NRCAM: variants seen among roughly 807,000 people sequenced by gnomAD.
The protein encoded by NRCAM is NgCAM-related cell adhesion molecule.
Under a neutral mutation model 156.5 loss-of-function variants are expected in NRCAM, and 83 were observed. That is an observed-to-expected ratio of 0.53 (90% CI 0.44 to 0.64). NRCAM has a LOEUF of 0.64. Ranked by LOEUF, NRCAM falls within the 30% of genes least tolerant of loss-of-function variation. The probability of loss-of-function intolerance (pLI) is 0.00; values close to 1 mark genes in which losing one functional copy is unlikely to be tolerated. For missense variants in NRCAM, 1,417 were observed against 1,597.3 expected (o/e 0.89, Z 1.92); for synonymous variants, 538 against 563.9 (o/e 0.95, Z 0.65).
chr7:108,376,484 G>T (rs528705143), intron 2 of NRCAM, among the ~76,000 whole-genome samples: 2 of 152,102 alleles, frequency 1.3e-5, no homozygotes, highest in Non-Finnish European at 2.9e-5. Flanking sequence ...TGCAGGGCAG[G>T]TGTGGCTGGT....
chr7:108,269,482 A>C (rs1381005547), intron 3 of NRCAM, among the ~76,000 whole-genome samples: 5 of 152,028 alleles, frequency 3.3e-5, no homozygotes, highest in Non-Finnish European at 7.4e-5. Context: ...GTCTTGGGTC[A>C]CCTTTCATCC....
chr7:108,286,522 GAAAA>G (rs965313443), intron 3 of NRCAM, among the ~76,000 whole-genome samples: 2 of 151,988 alleles, frequency 1.3e-5, no homozygotes, highest in Admixed American at 1.3e-4. Flanking sequence ...TAGGAGAAAA[GAAAA>G]AAAGATTTGA....
intron 1 of NRCAM, among the ~76,000 whole-genome samples, chr7:108,403,088 C>T (rs2108253): frequency 0.25 from 38,143 of 151,868 alleles, 5,021 homozygotes; most frequent in Non-Finnish European, 0.28. Context: ...TTTTCTTTGG[C>T]CCAGAGTGCC....
chr7:108,412,258 CAA>C (rs5886460), intron 1 of NRCAM, among the ~76,000 whole-genome samples: 34 of 148,856 alleles, frequency 2.3e-4, no homozygotes, highest in East Asian at 5.9e-4. Flanking sequence ...TTAAATTTTA[CAA>C]AAAAAAAAAC....
At chr7:108,381,091 G>A (rs561129407) in intron 2 of NRCAM, among the ~76,000 whole-genome samples, 1 of 152,082 alleles carries the variant, frequency 6.6e-6, no homozygotes, top group African/African-American at 2.4e-5. Context: ...AAAATGCTTG[G>A]CACTAATACC....
chr7:108,303,633 C>T (rs1482213353), intron 3 of NRCAM, among the ~76,000 whole-genome samples: 1 of 152,072 alleles, frequency 6.6e-6, no homozygotes, highest in Non-Finnish European at 1.5e-5. Flanking sequence ...TTCACAGCAC[C>T]TCCAACTTCT....
In NRCAM at chr7:108,181,808, C is replaced by G. The variant is rs777683243; in HGVS notation, c.2646+14G>C. ...CTTACTAAATAAAGCCACAAAAGGTCCCCTTTCACTTGCCCGATAGCCTTG... is the reference window on the plus strand; with the variant it reads ...CTTACTAAATAAAGCCACAAAAGGTGCCCTTTCACTTGCCCGATAGCCTTG... On this transcript the variant is annotated intron_variant, in intron 24 of 32. Transcript: ENST00000379028. 1.5e-5 allele frequency: 23 copies of G among 1,585,102 alleles called. No individual in the cohort carries two copies. The African/African-American group carries it at 3.0e-4, about 20-fold the overall frequency.
intron 5 of NRCAM, among the ~76,000 whole-genome samples, chr7:108,235,000 T>A (rs984644255): frequency 6.6e-6 from 1 of 152,184 alleles, no homozygotes; most frequent in Non-Finnish European, 1.5e-5. Flanking sequence ...GATGTAACAA[T>A]GAGAAATTCT....
chr7:108,382,644 A>G (rs1420942759), intron 2 of NRCAM, among the ~76,000 whole-genome samples: 1 of 151,982 alleles, frequency 6.6e-6, no homozygotes, highest in African/African-American at 2.4e-5. Flanking sequence ...AGAAAACCCT[A>G]AACTAACAGG....
chr7:108,277,332 T>G (rs1489694178), intron 3 of NRCAM, among the ~76,000 whole-genome samples: 48 of 152,210 alleles, frequency 3.2e-4, no homozygotes, highest in Non-Finnish European at 2.9e-5. Flanking sequence ...AAAAGTGTTT[T>G]CTAACTTGGT....
At chr7:108,231,653 A>G (rs1289469774) in intron 7 of NRCAM, among the ~76,000 whole-genome samples, 1 of 152,190 alleles carries the variant, frequency 6.6e-6, no homozygotes, top group South Asian at 2.1e-4. Flanking sequence ...ACATACATAC[A>G]TATCTGCCTA....
intron 32 of NRCAM, among the ~76,000 whole-genome samples, chr7:108,153,090 C>T (rs901416406): frequency 6.6e-6 from 1 of 152,044 alleles, no homozygotes; most frequent in African/African-American, 2.4e-5. Flanking sequence ...CTCCTTTAAT[C>T]ATTTTTTGAG....
chr7:108,271,838 C>G (rs937514333), intron 3 of NRCAM, among the ~76,000 whole-genome samples: 29 of 152,324 alleles, frequency 1.9e-4, no homozygotes, highest in Admixed American at 7.2e-4. Flanking sequence ...ACAACTCACA[C>G]TCTTCCTGGC....
chr7:108,426,562 A>C (rs1010052846), intron 1 of NRCAM, among the ~76,000 whole-genome samples: 28 of 152,320 alleles, frequency 1.8e-4, no homozygotes, highest in African/African-American at 6.3e-4. Context: ...TAAAACAAGA[A>C]GGTCTAAGAT....
chr7:108,167,987 T>C (rs1002214890), intron 29 of NRCAM, among the ~76,000 whole-genome samples: 3 of 152,210 alleles, frequency 2.0e-5, no homozygotes, highest in African/African-American at 4.8e-5. Flanking sequence ...CTTCTTACTC[T>C]TGTTTATGTG....
intron 30 of NRCAM, among the ~76,000 whole-genome samples, chr7:108,164,273 G>T (rs977059811): frequency 6.6e-6 from 1 of 152,004 alleles, no homozygotes; most frequent in Non-Finnish European, 1.5e-5. Flanking sequence ...CGGGGAAGAA[G>T]CGCAGCATCA....
intron 32 of NRCAM, among the ~76,000 whole-genome samples, chr7:108,152,530 A>T (rs181385036): frequency 3.7e-5 from 1 of 27,252 alleles, no homozygotes; most frequent in East Asian, 2.7e-3. Flanking sequence ...TGAGACAGGA[A>T]GCCCTGGGAG....
chr7:108,384,603 T>C (rs1413311135), intron 2 of NRCAM, among the ~76,000 whole-genome samples: 1 of 152,234 alleles, frequency 6.6e-6, no homozygotes, highest in African/African-American at 2.4e-5. Context: ...TTACCTCTGG[T>C]GCTTAAACTG....
At chr7:108,400,467 C>T (rs187011924) in intron 1 of NRCAM, among the ~76,000 whole-genome samples, 8 of 152,248 alleles carry the variant, frequency 5.3e-5, no homozygotes, top group African/African-American at 9.6e-5. Flanking sequence ...TAAAAAGTAT[C>T]GATGGCTGGG....
Sources: allele counts gnomAD v4.1 joint callset (sites outside exome capture counted in the v4.1 genomes callset), GRCh38; gene constraint gnomAD v4.1.1; transcripts MANE v1.5; gene names NCBI Gene and HGNC (gene_info 2026-07-23, HGNC 2026-07-21).